The following RRP1B variants were observed in gnomAD, a reference collection of about 807,000 sequenced individuals.
The protein encoded by RRP1B is ribosomal RNA processing 1B.
RRP1B carries 56 observed loss-of-function variants against 80.2 expected under a neutral mutation model. The ratio of observed to expected loss-of-function variants is 0.70; its 90% CI spans 0.56 to 0.87. The LOEUF (loss-of-function observed/expected upper bound fraction) is 0.87. RRP1B is among the 40% of genes least tolerant of loss of function. The pLI is 0.00. For synonymous variants in RRP1B, 351 were observed against 357.6 expected (o/e 0.98, Z 0.21); for missense variants, 807 against 939.8 (o/e 0.86, Z 1.85).
chr21:43,664,730 A>G (rs2147160131), intron 1 of RRP1B, among the ~76,000 whole-genome samples: 1 of 152,352 alleles, frequency 6.6e-6, no homozygotes, highest in Non-Finnish European at 1.5e-5. Context: ...TAATGGACTC[A>G]CAGTTCCACA....
Position 43,691,688 on chromosome 21 carries a change from C to T in RRP1B, c.2083+186C>T, listed in dbSNP as rs2083087440. ...TCTCGCTGCTCTGTCACCCAGGCTG[C>T]AGTGCAGTGGCGAGATCTTGGCTCA... On this transcript the variant is annotated intron_variant, in intron 15 of 15. Transcript: ENST00000340648. This position sits in a 1 kb window ranked among gnomAD's most constrained non-coding sequence, Gnocchi z 4.2. Among the ~76,000 whole-genome samples, 3 of 149,486 alleles carry T rather than the reference C, an allele frequency of 2.0e-5. No individual in the cohort carries two copies. The highest frequency in any genetic ancestry group is 2.0e-4 in the Admixed American group (3 of 14,966).
chr21:43,661,001 A>G (rs2082953713), intron 1 of RRP1B, among the ~76,000 whole-genome samples: 1 of 152,278 alleles, frequency 6.6e-6, no homozygotes, highest in Admixed American at 6.5e-5. Context: ...TAATACATTT[A>G]GAATCTGCTT....
chr21:43,659,668 G>GC lies in RRP1B; in HGVS notation c.9dup (p.Ala4ArgfsTer64). The GC allele has an allele frequency of 1.3e-6, 2 of 1,507,866 alleles. No homozygotes were observed. The highest frequency in any genetic ancestry group is 1.8e-6 in the Non-Finnish European group (2 of 1,127,454). The allele number at this position is 1,507,866 out of a possible 1,614,324, so 93.4% of individuals were successfully genotyped here. ...CGGGGATGCTCCAGCGGGCGCGATG[G>GC]CCCCCGCCATGCAGCCGGCCGAGAT... On this transcript the variant is annotated frameshift_variant, in exon 1 of 16. Transcript: ENST00000340648. LOFTEE classifies it high-confidence loss of function. The surrounding 1 kb of genome is among the most constrained non-coding windows in gnomAD (Gnocchi z 4.2).
At chr21:43,677,261 A>G (rs1318009713) in intron 8 of RRP1B, among the ~76,000 whole-genome samples, 1 of 152,140 alleles carries the variant, frequency 6.6e-6, no homozygotes, top group Admixed American at 6.5e-5. Context: ...GCATGGCCTC[A>G]TTTCTACGGG....
chr21:43,659,674 G>C lies in RRP1B; in HGVS notation c.10G>C (p.Ala4Pro). 1 of 1,512,424 alleles carries C rather than the reference G, an allele frequency of 6.6e-7. No individual in the cohort carries two copies. The highest frequency in any genetic ancestry group is 1.3e-5 in the South Asian group (1 of 79,984). 93.7% of individuals were successfully genotyped at this position (1,512,424 alleles called of 1,614,324 possible). A position where few individuals can be genotyped will look rare whatever the true frequency, so the allele number is the denominator to read the frequency against. ...TGCTCCAGCGGGCGCGATGGCCCCC[G>C]CCATGCAGCCGGCCGAGATCCAATT... Reference protein sequence around the residue: MAPAMQPAEIQFAQ... With the variant: MAPPMQPAEIQFAQ... Residue 4 changes from alanine to proline, a missense_variant, in exon 1 of 16, where the codon GCC becomes CCC. Physicochemically the swap from Ala to Pro is conservative, Grantham distance 27. Transcript: ENST00000340648. The surrounding 1 kb of genome is among the most constrained non-coding windows in gnomAD (Gnocchi z 4.2).
rs532754671 is a variant in RRP1B at position 43,666,846 on chromosome 21, G to A, written c.131-3038G>A. The stretch of plus-strand genomic sequence containing the variant: ...ATTTGGTTAATATGTCTGCCAAGAC[G>A]CTCTTAAAATCTAACAGTTCTTACC... On this transcript the variant is annotated intron_variant, in intron 1 of 15. Coordinates refer to ENST00000340648, the MANE Select transcript of RRP1B (RefSeq NM_015056.3). 1.3e-3 allele frequency among the ~76,000 whole-genome samples: 201 copies of A among 152,166 alleles called. 1 individual carries two copies. Among genetic ancestry groups the A allele is most frequent in the African/African-American group, 4.5e-3 (185 of 41,500 alleles).
Position 43,687,733 on chromosome 21 carries a change from C to T in RRP1B, c.1359C>T (p.Ser453=). 1 of 1,613,178 alleles carries T rather than the reference C, an allele frequency of 6.2e-7. No individual in the cohort carries two copies. The highest frequency in any genetic ancestry group is 8.5e-7 in the Non-Finnish European group (1 of 1,179,954). The change falls in exon 13 of 16, where the codon AGC becomes AGT. Residue 453 remains serine (S), a synonymous_variant. Coordinates refer to ENST00000340648, the MANE Select transcript of RRP1B (RefSeq NM_015056.3). ...AGCCAGGTGCAGAGGCCACGTCCAG[C>T]ACTGGGGAGGAGAGTGGCTCCGAGC... is the stretch of plus-strand genomic sequence containing the variant. ...VAEPGAEATS[S]TGEESGSEHP...
intron 5 of RRP1B, 106 bp downstream of exon 5, chr21:43,674,803 C>G: frequency 9.1e-7 from 1 of 1,094,590 alleles, no homozygotes; most frequent in Non-Finnish European, 1.4e-6. Flanking sequence ...CTCGATACAT[C>G]GTTACCTATA....
At position 43,691,024 on chromosome 21, in the gene RRP1B, A is replaced by G. The variant is rs2083084214; in HGVS notation, c.2020-415A>G. ...TCAAGTTAGAAGTTCAGAACTCTCCAGCAAAAGGCAGGGGAGTCTTGGCAT... is the reference window on the plus strand; with the variant it reads ...TCAAGTTAGAAGTTCAGAACTCTCCGGCAAAAGGCAGGGGAGTCTTGGCAT... On this transcript the variant is annotated intron_variant, in intron 14 of 15. Transcript: ENST00000340648. This position sits in a 1 kb window ranked among gnomAD's most constrained non-coding sequence, Gnocchi z 4.2. Among the ~76,000 whole-genome samples, 1 of 152,226 alleles carries G rather than the reference A, an allele frequency of 6.6e-6. No individual in the cohort carries two copies. Among genetic ancestry groups the G allele is most frequent in the Non-Finnish European group, 1.5e-5 (1 of 68,040 alleles).
intron 8 of RRP1B, among the ~76,000 whole-genome samples, chr21:43,682,353 A>G (rs972457726): frequency 6.6e-6 from 1 of 152,152 alleles, no homozygotes; most frequent in African/African-American, 2.4e-5. Flanking sequence ...CTGATGTCGC[A>G]CCACTAATAA....
At chr21:43,672,948 T>C (rs2083005627) in intron 3 of RRP1B, among the ~76,000 whole-genome samples, 1 of 152,158 alleles carries the variant, frequency 6.6e-6, no homozygotes, top group African/African-American at 2.4e-5. Context: ...CTACATATGA[T>C]GTATAATAGA....
intron 2 of RRP1B, among the ~76,000 whole-genome samples, chr21:43,671,781 C>T (rs909447221): frequency 8.6e-5 from 13 of 152,034 alleles, no homozygotes; most frequent in African/African-American, 2.9e-4. Flanking sequence ...CCTCTACCTC[C>T]GAGTTCAAGC....
At chr21:43,681,036 T>A (rs1356387229) in intron 8 of RRP1B, among the ~76,000 whole-genome samples, 1 of 152,106 alleles carries the variant, frequency 6.6e-6, no homozygotes, top group East Asian at 1.9e-4. Flanking sequence ...GGTCAGGAGT[T>A]CGAGACCAGC....
In RRP1B at chr21:43,693,321, G is replaced by C; in HGVS notation, c.2215G>C (p.Val739Leu). The change falls in exon 16 of 16, where the codon GTG (valine) becomes CTG (leucine). Residue 739 changes from valine to leucine, a missense_variant. Val to Leu is a conservative substitution (Grantham distance 32). Coordinates refer to ENST00000340648, the MANE Select transcript of RRP1B (RefSeq NM_015056.3). This position sits in a 1 kb window ranked among gnomAD's most constrained non-coding sequence, Gnocchi z 4.1. Reference sequence around the variant, plus strand: ...CAGCTCACCTGCCAGCTCACCCCTGGTGGCCAAGAAGCCCCTGACCACCAC... The same window carrying C: ...CAGCTCACCTGCCAGCTCACCCCTGCTGGCCAAGAAGCCCCTGACCACCAC... ...PTSSPASSPL[V>L]AKKPLTTTPR... 5 of 1,612,108 alleles carry C rather than the reference G, an allele frequency of 3.1e-6. No homozygotes were observed. Among genetic ancestry groups the C allele is most frequent in the Non-Finnish European group, 4.2e-6 (5 of 1,179,066 alleles).
intron 4 of RRP1B, 23 bp from the exon 5 acceptor site, chr21:43,674,607 TTTTTTA>T: frequency 7.0e-7 from 1 of 1,433,648 alleles, no homozygotes; most frequent in South Asian, 1.3e-5. Context: ...TTTTTTTTTT[TTTTTTA>T]AACAAAAATT....
In RRP1B at chr21:43,682,202, G is replaced by C. The variant is rs544206897; in HGVS notation, c.797-1077G>C. 5.9e-5 allele frequency among the ~76,000 whole-genome samples: 9 copies of C among 152,312 alleles called. No individual in the cohort carries two copies. In the South Asian group the frequency reaches 1.2e-3, roughly 21 times the overall value. On this transcript the variant is annotated intron_variant, in intron 8 of 15. Transcript: ENST00000340648. ...CAAATTTTATGTGGTCATGGGAGTAGTCTCTGGGTCCCTCCGCTCCCCACA... is the reference window on the plus strand; with the variant it reads ...CAAATTTTATGTGGTCATGGGAGTACTCTCTGGGTCCCTCCGCTCCCCACA...
At chr21:43,677,062 G>T (rs1176103985) in intron 8 of RRP1B, 148 bp downstream of exon 8, 15 of 789,630 alleles carry the variant, frequency 1.9e-5, no homozygotes, top group Non-Finnish European at 3.0e-5. Flanking sequence ...GGCAGCAGAG[G>T]TGGGTTCATT....
At chr21:43,664,558 G>T (rs1206722958) in intron 1 of RRP1B, among the ~76,000 whole-genome samples, 1 of 152,212 alleles carries the variant, frequency 6.6e-6, no homozygotes, top group Non-Finnish European at 1.5e-5. Flanking sequence ...CTGGGCCCCT[G>T]TCAGCAGGAA....
At chr21:43,665,036 T>C (rs2082973196) in intron 1 of RRP1B, among the ~76,000 whole-genome samples, 1 of 152,212 alleles carries the variant, frequency 6.6e-6, no homozygotes, top group Non-Finnish European at 1.5e-5. Context: ...TGCTGCCCAC[T>C]GTCCAGGGTC....
Sources: gnomAD v4.1 joint callset for allele counts (sites outside exome capture counted in the v4.1 genomes callset) on GRCh38, gnomAD v4.1.1 for gene constraint, Gnocchi (gnomAD v3.1) non-coding constraint, MANE v1.5 for transcripts, NCBI Gene and HGNC (gene_info 2026-07-23, HGNC 2026-07-21) for gene names.